The following RAPGEF5 variants were observed in gnomAD, a reference collection of about 807,000 sequenced individuals.
The protein encoded by RAPGEF5 is Rap guanine nucleotide exchange factor 5.
A neutral mutation model predicts 125.2 loss-of-function variants in RAPGEF5; 65 were observed. The observed-to-expected ratio is 0.52, with a 90% CI of 0.43 to 0.64. RAPGEF5 has a LOEUF of 0.64. Among genes scored for constraint, RAPGEF5 ranks in the 30% least tolerant of loss-of-function variants. The pLI, the probability that RAPGEF5 is intolerant of heterozygous loss-of-function variation, is 0.00. For synonymous variants in RAPGEF5, 391 were observed against 385.9 expected (o/e 1.01, Z -0.16); for missense variants, 958 against 1,048.1 (o/e 0.91, Z 1.19).
chr7:22,187,345 A>G (rs17146373), intron 11 of RAPGEF5, among the ~76,000 whole-genome samples: 2,842 of 152,240 alleles, frequency 0.019, 85 homozygotes, highest in African/African-American at 0.065. Flanking sequence ...TCAAAGTCTC[A>G]GGCTGTTTTT....
chr7:22,186,330 T>G (rs1220897526), intron 11 of RAPGEF5, among the ~76,000 whole-genome samples: 1 of 152,222 alleles, frequency 6.6e-6, no homozygotes, highest in Non-Finnish European at 1.5e-5. Context: ...AAATTTCAAT[T>G]AAGTGTATTT....
chr7:22,349,410 T>A (rs1479390062), intron 1 of RAPGEF5, among the ~76,000 whole-genome samples: 8 of 118,312 alleles, frequency 6.8e-5, no homozygotes, highest in Non-Finnish European at 1.3e-4. Context: ...GGCGATAGAG[T>A]GAGACTCCAT....
intron 7 of RAPGEF5, among the ~76,000 whole-genome samples, chr7:22,254,944 A>G (rs1265880671): frequency 6.6e-6 from 1 of 152,156 alleles, no homozygotes; most frequent in Non-Finnish European, 1.5e-5. Flanking sequence ...TGTGCAGCCC[A>G]GTTCCCAATA....
chr7:22,277,603 G>GGT (rs1782585847), intron 6 of RAPGEF5, among the ~76,000 whole-genome samples: 1 of 152,134 alleles, frequency 6.6e-6, no homozygotes, highest in Non-Finnish European at 1.5e-5. Flanking sequence ...TGCTCATGCA[G>GGT]GTCATTGACA....
Position 22,308,444 on chromosome 7 carries a change from C to A in RAPGEF5, c.575G>T (p.Ser192Ile). Residue 192 changes from serine (S) to isoleucine (I), a missense_variant, in exon 5 of 26, where the codon AGC becomes ATC. Ser to Ile is a moderately radical substitution (Grantham distance 142). Coordinates refer to ENST00000665637, the MANE Select transcript of RAPGEF5 (RefSeq NM_012294.5). ...TCTTTCAAATTCACAGTACAAGTAGCTACATTCATCAGAGGAAAACTGGTA... is the reference window on the plus strand; with the variant it reads ...TCTTTCAAATTCACAGTACAAGTAGATACATTCATCAGAGGAAAACTGGTA... ...VFYQFSSDEC[S>I]YLYCEFEREE... The A allele has an allele frequency of 6.3e-7, 1 of 1,576,502 alleles. No homozygotes were observed. The highest frequency in any genetic ancestry group is 1.2e-5 in the South Asian group (1 of 85,790).
chr7:22,278,808 T>C (rs962216810), intron 6 of RAPGEF5, among the ~76,000 whole-genome samples: 5 of 151,476 alleles, frequency 3.3e-5, no homozygotes, highest in South Asian at 2.1e-4. Context: ...CACACTTCCA[T>C]AGAACTTATT....
chr7:22,324,115 A>C (rs1035833259), intron 1 of RAPGEF5, among the ~76,000 whole-genome samples: 1 of 152,220 alleles, frequency 6.6e-6, no homozygotes, highest in African/African-American at 2.4e-5. Context: ...ACTTTAAACA[A>C]ATGATAAAAA....
intron 1 of RAPGEF5, chr7:22,355,973 C>T: frequency 1.0e-6 from 1 of 985,388 alleles, no homozygotes; most frequent in Non-Finnish European, 1.2e-6. Flanking sequence ...ATGAGTAGAA[C>T]CCACCAAAGG....
At chr7:22,233,645 G>A (rs184125425) in intron 7 of RAPGEF5, among the ~76,000 whole-genome samples, 87 of 152,086 alleles carry the variant, frequency 5.7e-4, no homozygotes, top group Non-Finnish European at 7.6e-4. Flanking sequence ...CAATCCTCCC[G>A]TCTCGGCCTC....
intron 11 of RAPGEF5, among the ~76,000 whole-genome samples, chr7:22,174,587 T>G (rs1784448332): frequency 6.6e-6 from 1 of 152,208 alleles, no homozygotes; most frequent in Non-Finnish European, 1.5e-5. Flanking sequence ...ACAGCACAGT[T>G]GTGTAGTAGT....
At chr7:22,321,776 G>A (rs1427349410) in intron 1 of RAPGEF5, among the ~76,000 whole-genome samples, 1 of 152,104 alleles carries the variant, frequency 6.6e-6, no homozygotes, top group Non-Finnish European at 1.5e-5. Flanking sequence ...ACAAACCCAG[G>A]AAGATAAAAA....
At chr7:22,251,618 C>T (rs1434618051) in intron 7 of RAPGEF5, among the ~76,000 whole-genome samples, 1 of 151,896 alleles carries the variant, frequency 6.6e-6, no homozygotes, top group African/African-American at 2.4e-5. Flanking sequence ...TAAAGTGGCC[C>T]TGATTGCACT....
intron 8 of RAPGEF5, among the ~76,000 whole-genome samples, chr7:22,221,289 T>C (rs1394024056): frequency 6.6e-6 from 1 of 152,208 alleles, no homozygotes; most frequent in East Asian, 1.9e-4. Flanking sequence ...GCCAGGATTG[T>C]TGGAAAGTCC....
chr7:22,129,694 C>T (rs1055407907), intron 24 of RAPGEF5, among the ~76,000 whole-genome samples: 1 of 151,874 alleles, frequency 6.6e-6, no homozygotes, highest in Non-Finnish European at 1.5e-5. Context: ...AGCTCTGATT[C>T]CAAAACACTT....
intron 7 of RAPGEF5, among the ~76,000 whole-genome samples, chr7:22,257,521 T>G (rs1583523811): frequency 6.6e-6 from 1 of 152,244 alleles, no homozygotes; most frequent in Non-Finnish European, 1.5e-5. Context: ...TGTCTTACAC[T>G]GCATTCAGCT....
chr7:22,157,893 G>A lies in RAPGEF5; in HGVS notation c.1527-8C>T. 6.2e-7 allele frequency: 1 copy of A among 1,608,198 alleles called. No individual in the cohort carries two copies. The highest frequency in any genetic ancestry group is 1.7e-5 in the Admixed American group (1 of 59,796). ...GAATATTCATCTACAGTGCTGAAAG[G>A]AAAAATGGCAAGAAGTCAGTCTTTG... On this transcript the variant is annotated splice_polypyrimidine_tract_variant and splice_region_variant and intron_variant, in intron 14 of 25. Transcript: ENST00000665637.
chr7:22,200,316 GT>G (rs1785247596), intron 9 of RAPGEF5, among the ~76,000 whole-genome samples: 1 of 152,116 alleles, frequency 6.6e-6, no homozygotes, highest in African/African-American at 2.4e-5. Flanking sequence ...GTAAACAGAT[GT>G]TTTTTAAAAA....
chr7:22,272,618 ATAATC>A (rs369487898), intron 6 of RAPGEF5, among the ~76,000 whole-genome samples: 63 of 152,320 alleles, frequency 4.1e-4, no homozygotes, highest in African/African-American at 1.5e-3. Context: ...AAGAAGAAAC[ATAATC>A]TAATATTCTT....
At chr7:22,328,135 C>T (rs935466811) in intron 1 of RAPGEF5, among the ~76,000 whole-genome samples, 2 of 152,184 alleles carry the variant, frequency 1.3e-5, no homozygotes, top group Admixed American at 6.5e-5. Context: ...GTGCCTGTCA[C>T]AAAGCAAGGC....
Sources: allele counts gnomAD v4.1 joint callset (sites outside exome capture counted in the v4.1 genomes callset), GRCh38; gene constraint gnomAD v4.1.1; transcripts MANE v1.5; gene names NCBI Gene and HGNC (gene_info 2026-07-23, HGNC 2026-07-21).